The following CORO2B variants were observed in gnomAD, a reference collection of about 807,000 sequenced individuals.
CORO2B encodes coronin 2B.
In CORO2B, 26 loss-of-function variants were observed where a neutral mutation model predicts 58.8. The ratio of observed to expected loss-of-function variants is 0.44; its 90% confidence interval spans 0.32 to 0.61. The LOEUF (loss-of-function observed/expected upper bound fraction) is 0.61. Among genes scored for constraint, CORO2B ranks in the 20% least tolerant of loss-of-function variants. The pLI, the probability that CORO2B is intolerant of heterozygous loss-of-function variation, is 0.04. For synonymous variants in CORO2B, 242 were observed against 253.8 expected, an observed-to-expected ratio of 0.95 and a Z score of 0.44; for missense variants, 460 against 645.1, an observed-to-expected ratio of 0.71 and a Z score of 3.11.
chr15:68,672,793 C>T (rs762101848), intron 2 of CORO2B, among the ~76,000 whole-genome samples: 2 of 152,110 alleles, frequency 1.3e-5, no homozygotes, highest in Non-Finnish European at 2.9e-5. Context: ...GGTTATGAGG[C>T]AGGGACCTGC....
chr15:68,581,610 C>T lies in CORO2B; in HGVS notation c.15+2333C>T, dbSNP rs372646493. Reference sequence around the variant, plus strand: ...ATGTAAGACTTGGTTCCAATGATCTCTAGGGCCTCTTCTGCTGAGCCTTGG... The same window carrying T: ...ATGTAAGACTTGGTTCCAATGATCTTTAGGGCCTCTTCTGCTGAGCCTTGG... On this transcript the variant is annotated intron_variant, in intron 1 of 11. Coordinates refer to ENST00000261861, the MANE Select transcript of CORO2B (RefSeq NM_006091.5). 2.6e-5 allele frequency among the ~76,000 whole-genome samples: 4 copies of T among 152,314 alleles called. 1 individual carries two copies.
chr15:68,651,795 C>T (rs1901651042), intron 2 of CORO2B, among the ~76,000 whole-genome samples: 1 of 152,226 alleles, frequency 6.6e-6, no homozygotes, highest in East Asian at 1.9e-4. Flanking sequence ...CCCGAGGCCA[C>T]ACCTCCTGAG....
chr15:68,673,614 A>T (rs1902474575), intron 2 of CORO2B, among the ~76,000 whole-genome samples: 1 of 152,110 alleles, frequency 6.6e-6, no homozygotes, highest in Non-Finnish European at 1.5e-5. Flanking sequence ...AAGGCAGGCG[A>T]ATCACTTAAG....
chr15:68,543,824 G>A, the CORO2B span, among the ~76,000 whole-genome samples: 2 of 151,786 alleles, frequency 1.3e-5, no homozygotes, highest in East Asian at 3.9e-4. Flanking sequence ...CCCTCCTGAC[G>A]CACACTGCGG....
At chr15:68,577,964 G>T (rs933529544), upstream of CORO2B, among the ~76,000 whole-genome samples, 4 of 152,126 alleles carry the variant, frequency 2.6e-5, no homozygotes, top group Non-Finnish European at 5.9e-5. Flanking sequence ...TTCCGGGCTT[G>T]CCAGGCTGTC....
chr15:68,599,365 T>C (rs369800970), intron 1 of CORO2B, among the ~76,000 whole-genome samples: 3 of 152,314 alleles, frequency 2.0e-5, no homozygotes, highest in East Asian at 3.9e-4. Context: ...ACAGATCCCA[T>C]TGGGTGCTCC....
At chr15:68,656,113 A>G (rs557940229) in intron 2 of CORO2B, among the ~76,000 whole-genome samples, 135 of 151,536 alleles carry the variant, frequency 8.9e-4, no homozygotes, top group African/African-American at 3.1e-3. Context: ...GCACTTCCAG[A>G]TGGCCTTCCT....
intron 1 of CORO2B, among the ~76,000 whole-genome samples, chr15:68,630,405 A>C (rs1475521013): frequency 6.8e-6 from 1 of 147,002 alleles, no homozygotes; most frequent in Non-Finnish European, 1.5e-5. Context: ...GGATGAGAGA[A>C]AACCTCGAAA....
At chr15:68,592,508 T>C (rs1277787760) in intron 1 of CORO2B, among the ~76,000 whole-genome samples, 1 of 152,170 alleles carries the variant, frequency 6.6e-6, no homozygotes, top group Non-Finnish European at 1.5e-5. Context: ...CATACATGTA[T>C]AAAAATCTGT....
chr15:68,722,863 T>C (rs12898796), intron 11 of CORO2B, among the ~76,000 whole-genome samples: 26,574 of 150,996 alleles, frequency 0.18, 2,872 homozygotes, highest in Non-Finnish European at 0.24. Context: ...AGGTTAAGAG[T>C]TCAAGACCAG....
At chr15:68,574,859 T>C (rs1595946099), upstream of CORO2B, among the ~76,000 whole-genome samples, 1 of 152,158 alleles carries the variant, frequency 6.6e-6, no homozygotes, top group East Asian at 1.9e-4. Context: ...GAATAGGAGT[T>C]CGCCATGCTG....
At chr15:68,687,892 G>A (rs1227052162) in intron 2 of CORO2B, among the ~76,000 whole-genome samples, 1 of 152,246 alleles carries the variant, frequency 6.6e-6, no homozygotes, top group Non-Finnish European at 1.5e-5. Context: ...ATCCATGCAT[G>A]AGGGCACAGC....
chr15:68,659,626 G>A (rs1457102438), intron 2 of CORO2B, among the ~76,000 whole-genome samples: 1 of 152,028 alleles, frequency 6.6e-6, no homozygotes, highest in African/African-American at 2.4e-5. Flanking sequence ...TTAAGTGGAA[G>A]TGAATCATTA....
At chr15:68,640,796 A>G (rs894219798) in intron 1 of CORO2B, among the ~76,000 whole-genome samples, 2 of 152,220 alleles carry the variant, frequency 1.3e-5, no homozygotes, top group Non-Finnish European at 2.9e-5. Context: ...TGATTTTTGC[A>G]AGTTCTTTTC....
At position 68,633,784 on chromosome 15, in the gene CORO2B, G is replaced by A. The variant is rs937096; in HGVS notation, c.16-11376G>A. Among the ~76,000 whole-genome samples, 645 of 151,958 alleles carry A rather than the reference G, an allele frequency of 4.2e-3. 7 individuals are homozygous for A. The highest frequency in any genetic ancestry group is 0.015 in the African/African-American group (626 of 41,500). On this transcript the variant is annotated intron_variant, in intron 1 of 11. Transcript: ENST00000261861. ...GATACTACAACGGAGCCGGCAGATC[G>A]TCCTTCTCTTCCATGCCATCCCCTG... is the stretch of plus-strand genomic sequence containing the variant.
chr15:68,711,818 C>T, intron 5 of CORO2B, 112 bp downstream of exon 5: 2 of 1,227,338 alleles, frequency 1.6e-6, no homozygotes, highest in Non-Finnish European at 2.3e-6. Context: ...CAGTGCATCT[C>T]ACTGCACCTC....
At chr15:68,620,434 A>G (rs1900485224) in intron 1 of CORO2B, among the ~76,000 whole-genome samples, 1 of 152,260 alleles carries the variant, frequency 6.6e-6, no homozygotes, top group Non-Finnish European at 1.5e-5. Context: ...TTTGGAAAAC[A>G]CTGATTCCAT....
At chr15:68,559,384 T>A in the CORO2B span, among the ~76,000 whole-genome samples, 1 of 151,106 alleles carries the variant, frequency 6.6e-6, no homozygotes, top group East Asian at 2.0e-4. This position sits in a 1 kb window ranked among gnomAD's most constrained non-coding sequence, Gnocchi z 4.3. Context: ...ATTTTAGAAG[T>A]TCTGGTCAAT....
At chr15:68,714,141 C>G (rs369223156) in intron 6 of CORO2B, 100 bp downstream of exon 6, 6 of 731,444 alleles carry the variant, frequency 8.2e-6, no homozygotes, top group African/African-American at 5.3e-5. Flanking sequence ...CGCACACCAG[C>G]TTCTCATAGC....
Sources: allele counts gnomAD v4.1 joint callset (sites outside exome capture counted in the v4.1 genomes callset), GRCh38; gene constraint gnomAD v4.1.1; non-coding constraint Gnocchi (gnomAD v3.1); transcripts MANE v1.5; gene names NCBI Gene and HGNC (gene_info 2026-07-23, HGNC 2026-07-21).